Variants in PHC2 observed in about 807,000 individuals in gnomAD.
The protein encoded by PHC2 is polyhomeotic-like protein 2.
Under a neutral mutation model 87.4 loss-of-function variants are expected in PHC2, and 29 were observed. The ratio of observed to expected loss-of-function variants is 0.33; its 90% CI spans 0.25 to 0.45. PHC2 has a LOEUF of 0.45. Among genes scored for constraint, PHC2 ranks in the 20% least tolerant of loss-of-function variants. PHC2 has a pLI of 1.00. For synonymous variants in PHC2, 438 were observed against 461.7 expected, an observed-to-expected ratio of 0.95 and a Z score of 0.66; for missense variants, 857 against 1,136.7, an observed-to-expected ratio of 0.75 and a Z score of 3.54.
Position 33,355,189 on chromosome 1 carries a change from T to A in PHC2, c.1041A>T (p.Gln347His). 1 of 1,607,304 alleles carries A rather than the reference T, an allele frequency of 6.2e-7. No homozygotes were observed. ...PQPSSKHLQP[Q>H]FVIQQQPQPQ... ...GCTGTGGCTGCTGCTGGATCACAAA[T>A]TGGGGCTGCAGGTGCTTTGAGGATG... Residue 347 changes from glutamine to histidine, a missense_variant, in exon 8 of 15, where the codon CAA becomes CAT. Physicochemically the swap from Gln to His is conservative, Grantham distance 24. Coordinates refer to ENST00000683057, the MANE Select transcript of PHC2 (RefSeq NM_001385109.1).
chr1:33,340,386 C>T (rs1646720783), intron 9 of PHC2, among the ~76,000 whole-genome samples: 1 of 152,212 alleles, frequency 6.6e-6, no homozygotes, highest in Admixed American at 6.5e-5. Flanking sequence ...CCAGGGTGGT[C>T]TCTGCAGGGT....
In PHC2 at chr1:33,375,505, C is replaced by A; in HGVS notation, c.35G>T (p.Ser12Ile). 6.2e-7 allele frequency: 1 copy of A among 1,605,104 alleles called. No homozygotes were observed. Residue 12 changes from serine (S) to isoleucine (I), a missense_variant, in exon 2 of 15, where the codon AGC (serine) becomes ATC (isoleucine). This residue lies in a region of PHC2 where 832 missense variants were observed against 1,081.8 expected (regional missense o/e 0.77). Coordinates refer to ENST00000683057, the MANE Select transcript of PHC2 (RefSeq NM_001385109.1). ...ENELPVPHTSSSACATSSTSG... is the reference protein window; with the variant it reads ...ENELPVPHTSISACATSSTSG... ...GGTACTGCTGGTGGCACAGGCACTG[C>A]TAGATGTATGTGGGACTGGCAGCTC...
chr1:33,411,802 G>T (rs1369399089), intron 1 of PHC2, among the ~76,000 whole-genome samples: 1 of 152,086 alleles, frequency 6.6e-6, no homozygotes, highest in Non-Finnish European at 1.5e-5. Flanking sequence ...CTCATGATCT[G>T]CCTGCCTCGG....
At chr1:33,338,961 A>G (rs1646693743) in intron 9 of PHC2, among the ~76,000 whole-genome samples, 1 of 152,186 alleles carries the variant, frequency 6.6e-6, no homozygotes, top group South Asian at 2.1e-4. Context: ...ACAGAGCAGC[A>G]TGTTCCACGG....
intron 1 of PHC2, among the ~76,000 whole-genome samples, chr1:33,397,977 TA>T (rs1229776467): frequency 6.6e-6 from 1 of 152,070 alleles, no homozygotes; most frequent in Non-Finnish European, 1.5e-5. Flanking sequence ...CCTGTGCATG[TA>T]AAAAAATACT....
intron 9 of PHC2, among the ~76,000 whole-genome samples, chr1:33,344,029 T>C (rs1646798378): frequency 6.6e-6 from 1 of 152,188 alleles, no homozygotes; most frequent in Non-Finnish European, 1.5e-5. Context: ...AAGCAGACAG[T>C]GCAGAAGAAC....
chr1:33,332,771 T>A lies in PHC2; in HGVS notation c.1762-367A>T, dbSNP rs1015447974. On this transcript the variant is annotated intron_variant, in intron 10 of 14. Transcript: ENST00000683057. The surrounding 1 kb of genome is among the most constrained non-coding windows in gnomAD (Gnocchi z 4.2). ...CTCCAGGCAAGGACAGAGCGGAGTC[T>A]GTGTGAGGCTGTACATACGAGAGAG... Among the ~76,000 whole-genome samples the A allele has an allele frequency of 1.3e-5, 2 of 152,158 alleles. No individual in the cohort carries two copies. Among genetic ancestry groups the A allele is most frequent in the African/African-American group, 4.8e-5 (2 of 41,428 alleles).
chr1:33,358,233 A>G (rs1302289084), intron 7 of PHC2, among the ~76,000 whole-genome samples: 2 of 152,200 alleles, frequency 1.3e-5, no homozygotes, highest in Non-Finnish European at 2.9e-5. Flanking sequence ...TGTTTTCCCA[A>G]AAGACTGGGA....
intron 1 of PHC2, among the ~76,000 whole-genome samples, chr1:33,420,343 C>T (rs1033510822): frequency 1.3e-5 from 2 of 152,114 alleles, no homozygotes; most frequent in South Asian, 2.1e-4. Flanking sequence ...GAGGGAAACG[C>T]GCCTAGACCT....
intron 7 of PHC2, among the ~76,000 whole-genome samples, chr1:33,360,110 T>G (rs771790732): frequency 5.9e-5 from 9 of 152,230 alleles, no homozygotes; most frequent in Non-Finnish European, 1.2e-4. Flanking sequence ...CCATGATGCA[T>G]TCCCTTGGCA....
Position 33,356,267 on chromosome 1 carries a change from A to ATATATATC in PHC2, c.977-1015_977-1014insGATATATA, listed in dbSNP as rs1553185655. ...AAAATTCTTATATATATATATATAT[A>ATATATATC]TATATATATGTATATATATATATAT... On this transcript the variant is annotated intron_variant, in intron 7 of 14. Transcript: ENST00000683057. Among the ~76,000 whole-genome samples the ATATATATC allele has an allele frequency of 5.4e-5, 5 of 92,794 alleles. 1 individual carries two copies. In the East Asian group the frequency reaches 1.6e-3, roughly 30 times the overall value. 60.9% of individuals were successfully genotyped at this position (92,794 alleles called of 152,430 possible). A position where few individuals can be genotyped will look rare whatever the true frequency, so the allele number is the denominator to read the frequency against.
At chr1:33,384,221 C>T (rs920517926) in intron 1 of PHC2, among the ~76,000 whole-genome samples, 2 of 152,204 alleles carry the variant, frequency 1.3e-5, no homozygotes, top group African/African-American at 2.4e-5. Flanking sequence ...CCACTTCAGA[C>T]CTACGGAATC....
intron 9 of PHC2, chr1:33,336,801 C>G (rs1312001202): frequency 2.0e-5 from 3 of 152,240 alleles, no homozygotes; most frequent in African/African-American, 4.8e-5. Context: ...CCAGCCAGAT[C>G]AGCGGAATCA....
intron 2 of PHC2, among the ~76,000 whole-genome samples, chr1:33,373,531 A>G (rs1459649574): frequency 6.6e-6 from 1 of 151,866 alleles, no homozygotes; most frequent in Non-Finnish European, 1.5e-5. Context: ...GGATTGGCCA[A>G]TCTCCTGGAA....
intron 14 of PHC2, chr1:33,326,038 T>C (rs552452583): frequency 9.7e-5 from 35 of 359,452 alleles, no homozygotes; most frequent in Middle Eastern, 9.9e-4. Flanking sequence ...GAACATTTTG[T>C]AAAAATGTGG....
intron 9 of PHC2, among the ~76,000 whole-genome samples, chr1:33,348,677 A>C (rs551935163): frequency 2.0e-5 from 3 of 152,232 alleles, no homozygotes; most frequent in Admixed American, 6.5e-5. Flanking sequence ...AGGGGATTAA[A>C]GATCAAACAC....
Position 33,429,281 on chromosome 1 carries a change from A to G in PHC2, c.-55+1695T>C, listed in dbSNP as rs546101394. Reference sequence around the variant, plus strand: ...AGGGGAAAATATGGGGGAGAAAACAATAAGAAAAATATCACTGGACAACTG... The same window carrying G: ...AGGGGAAAATATGGGGGAGAAAACAGTAAGAAAAATATCACTGGACAACTG... On this transcript the variant is annotated intron_variant, in intron 1 of 14. Coordinates refer to ENST00000683057, the MANE Select transcript of PHC2 (RefSeq NM_001385109.1). Among the ~76,000 whole-genome samples, 3 of 152,328 alleles carry G rather than the reference A, an allele frequency of 2.0e-5. No homozygotes were observed. The East Asian group carries it at 5.8e-4, about 29-fold the overall frequency.
At chr1:33,420,040 T>G (rs1464199422) in intron 1 of PHC2, among the ~76,000 whole-genome samples, 1 of 152,214 alleles carries the variant, frequency 6.6e-6, no homozygotes, top group Non-Finnish European at 1.5e-5. Context: ...TTACAAGTTC[T>G]GGGGATAAGG....
chr1:33,352,580 G>GT (rs1646993629), intron 9 of PHC2, among the ~76,000 whole-genome samples: 1 of 152,194 alleles, frequency 6.6e-6, no homozygotes, highest in South Asian at 2.1e-4. Context: ...CTTAACAGAT[G>GT]TAAGCAATTA....
Sources: gnomAD v4.1 joint callset for allele counts (sites outside exome capture counted in the v4.1 genomes callset) on GRCh38, gnomAD v4.1.1 for gene constraint, gnomAD v4.1.1 regional missense constraint, Gnocchi (gnomAD v3.1) non-coding constraint, MANE v1.5 for transcripts, NCBI Gene and HGNC (gene_info 2026-07-23, HGNC 2026-07-21) for gene names.